AGTPBP1: variants seen among roughly 807,000 people sequenced by gnomAD.
AGTPBP1 encodes the protein cytosolic carboxypeptidase 1.
A neutral mutation model predicts 143.9 loss-of-function variants in AGTPBP1; 70 were observed. That is an observed-to-expected ratio of 0.49 (90% CI 0.40 to 0.59). The LOEUF (loss-of-function observed/expected upper bound fraction) is 0.59, where lower values mean the gene tolerates loss of function less well. Among genes scored for constraint, AGTPBP1 ranks in the 20% least tolerant of loss-of-function variants. AGTPBP1 has a pLI of 0.00. For missense variants in AGTPBP1, 1,229 were observed against 1,464.5 expected, an observed-to-expected ratio of 0.84 and a Z score of 2.62; for synonymous variants, 463 against 500.2, an observed-to-expected ratio of 0.93 and a Z score of 0.99.
chr9:85,590,218 A>AC (rs2133210773), intron 19 of AGTPBP1, among the ~76,000 whole-genome samples: 1 of 152,260 alleles, frequency 6.6e-6, no homozygotes, highest in South Asian at 2.1e-4. Flanking sequence ...AAAGAAAAAA[A>AC]TTTTTTTAAG....
At chr9:85,619,343 A>C in intron 15 of AGTPBP1, 42 bp from the exon 16 acceptor site, 7 of 1,355,388 alleles carry the variant, frequency 5.2e-6, no homozygotes, top group African/African-American at 1.5e-5. Context: ...AATACATTGC[A>C]TTTAAACAGA....
chr9:85,684,876 A>G lies in AGTPBP1; in HGVS notation c.158-3541T>C, dbSNP rs569605095. Among the ~76,000 whole-genome samples, 14 of 152,192 alleles carry G rather than the reference A, an allele frequency of 9.2e-5. 1 individual carries two copies. The South Asian group carries it at 1.5e-3, about 16-fold the overall frequency. ...AACTTTAAAGCAGCTATTATAATAA[A>G]TGACATTAAAGTAAAGAAGTACACA... On this transcript the variant is annotated intron_variant, in intron 3 of 25. Transcript: ENST00000357081.
chr9:85,682,172 T>TTAAA (rs1231973645), intron 3 of AGTPBP1, among the ~76,000 whole-genome samples: 34 of 85,820 alleles, frequency 4.0e-4, no homozygotes, highest in African/African-American at 1.5e-3. Flanking sequence ...TAGGATTGGT[T>TTAAA]AAAAAAAAAA....
chr9:85,753,757 A>G, the AGTPBP1 span, among the ~76,000 whole-genome samples: 185 of 145,706 alleles, frequency 1.3e-3, no homozygotes, highest in African/African-American at 4.6e-3. Context: ...CCTCTCAATA[A>G]ATAGATAGAT....
At chr9:85,762,460 T>C in the AGTPBP1 span, among the ~76,000 whole-genome samples, 2 of 152,190 alleles carry the variant, frequency 1.3e-5, no homozygotes, top group Non-Finnish European at 2.9e-5. Flanking sequence ...GATGAGTTCA[T>C]GTCCTTTGTA....
intron 18 of AGTPBP1, among the ~76,000 whole-genome samples, chr9:85,592,947 C>CA (rs1829064843): frequency 1.3e-5 from 2 of 152,048 alleles, no homozygotes; most frequent in Admixed American, 6.6e-5. Context: ...CTCTTCACGT[C>CA]AAAAAAATTT....
At chr9:85,605,643 T>C (rs969382523) in intron 17 of AGTPBP1, among the ~76,000 whole-genome samples, 10 of 152,066 alleles carry the variant, frequency 6.6e-5, no homozygotes, top group African/African-American at 1.2e-4. Context: ...ATATGTTGAG[T>C]AGAAAGACAA....
chr9:85,711,074 C>T lies in AGTPBP1; in HGVS notation c.32+1428G>A, dbSNP rs62570590. Among the ~76,000 whole-genome samples, 70 of 152,188 alleles carry T rather than the reference C, an allele frequency of 4.6e-4. No individual in the cohort carries two copies. The South Asian group carries it at 7.7e-3, about 17-fold the overall frequency. ...ACTATTCATTATATAACAGATTTAA[C>T]GCATACCAATGAATGTAAAGTTATA... On this transcript the variant is annotated intron_variant, in intron 2 of 25. Transcript: ENST00000357081.
chr9:85,705,494 T>A (rs558570520), intron 2 of AGTPBP1, among the ~76,000 whole-genome samples: 2 of 151,874 alleles, frequency 1.3e-5, no homozygotes, highest in Non-Finnish European at 2.9e-5. Context: ...CTGGGCAACA[T>A]AGCAAGACAT....
At chr9:85,631,853 G>C (rs1034699115) in intron 14 of AGTPBP1, among the ~76,000 whole-genome samples, 1 of 151,868 alleles carries the variant, frequency 6.6e-6, no homozygotes, top group Non-Finnish European at 1.5e-5. Flanking sequence ...ACCAAAAAAG[G>C]TATTTTTATA....
chr9:85,727,404 AAG>A (rs2134693736), intron 1 of AGTPBP1, among the ~76,000 whole-genome samples: 1 of 152,306 alleles, frequency 6.6e-6, no homozygotes, highest in South Asian at 2.1e-4. Flanking sequence ...AGCCCTAGGA[AAG>A]GAAATTTTTA....
the AGTPBP1 span, chr9:85,781,263 G>C: frequency 6.4e-7 from 1 of 1,555,260 alleles, no homozygotes; most frequent in Admixed American, 2.1e-5. Flanking sequence ...TCCAGCAGTT[G>C]GAAAAAGATC....
intron 17 of AGTPBP1, among the ~76,000 whole-genome samples, chr9:85,597,651 C>T (rs1233632095): frequency 6.6e-6 from 1 of 152,058 alleles, no homozygotes; most frequent in Non-Finnish European, 1.5e-5. Flanking sequence ...GTGGTAAATG[C>T]TATTATTATT....
the AGTPBP1 span, among the ~76,000 whole-genome samples, chr9:85,783,201 C>T: frequency 6.6e-6 from 1 of 152,186 alleles, no homozygotes; most frequent in Non-Finnish European, 1.5e-5. Flanking sequence ...ATGAGAACAA[C>T]ACTGTTCTGA....
Position 85,677,432 on chromosome 9 carries a change from T to C in AGTPBP1, c.436+4A>G, listed in dbSNP as rs750870729. 1.2e-6 allele frequency: 2 copies of C among 1,606,292 alleles called. No individual in the cohort carries two copies. The highest frequency in any genetic ancestry group is 1.7e-6 in the Non-Finnish European group (2 of 1,176,694). On this transcript the variant is annotated splice_donor_region_variant and intron_variant, in intron 6 of 25. Transcript: ENST00000357081. ...ACAATAATCATACAAATGAAATCCC[T>C]TACCTTTTGGTCCAATCTTTGCAAG... is the stretch of plus-strand genomic sequence containing the variant.
chr9:85,573,152 G>T (rs956882898), intron 25 of AGTPBP1, among the ~76,000 whole-genome samples: 2 of 150,874 alleles, frequency 1.3e-5, no homozygotes, highest in Non-Finnish European at 2.9e-5. Context: ...CTCTGATGCC[G>T]AGCCGAAGCT....
At chr9:85,607,427 GC>G (rs1830055030) in intron 17 of AGTPBP1, among the ~76,000 whole-genome samples, 1 of 152,030 alleles carries the variant, frequency 6.6e-6, no homozygotes, top group Non-Finnish European at 1.5e-5. Context: ...AAAGTAAGTT[GC>G]CCCAGCAAGA....
chr9:85,709,118 C>A (rs946461593), intron 2 of AGTPBP1, among the ~76,000 whole-genome samples: 7 of 152,002 alleles, frequency 4.6e-5, no homozygotes, highest in Admixed American at 1.3e-4. Context: ...AGGATAATAA[C>A]AATATATCAT....
intron 1 of AGTPBP1, among the ~76,000 whole-genome samples, chr9:85,738,182 A>G (rs1823940469): frequency 6.6e-6 from 1 of 152,242 alleles, no homozygotes; most frequent in African/African-American, 2.4e-5. Flanking sequence ...CAGTAAACAT[A>G]GATAAATTCA....
Sources: allele counts gnomAD v4.1 joint callset (sites outside exome capture counted in the v4.1 genomes callset), GRCh38; gene constraint gnomAD v4.1.1; transcripts MANE v1.5; gene names NCBI Gene and HGNC (gene_info 2026-07-23, HGNC 2026-07-21).